The following CECR2 variants were observed in gnomAD, a reference collection of about 807,000 sequenced individuals.
CECR2 encodes the protein chromatin remodeling regulator CECR2.
In CECR2, 30 loss-of-function variants were observed where a neutral mutation model predicts 154.5. The ratio of observed to expected loss-of-function variants is 0.19; its 90% CI spans 0.15 to 0.26. CECR2 has a LOEUF of 0.26. Among genes scored for constraint, CECR2 ranks in the 10% least tolerant of loss-of-function variants. The pLI, the probability that CECR2 is intolerant of heterozygous loss-of-function variation, is 1.00. For synonymous variants in CECR2, 725 were observed against 683.7 expected, an observed-to-expected ratio of 1.06 and a Z score of -0.94; for missense variants, 1,743 against 1,829.3, an observed-to-expected ratio of 0.95 and a Z score of 0.86.
intron 9 of CECR2, 79 bp downstream of exon 9, chr22:17,524,350 A>G (rs777788449): frequency 3.1e-5 from 47 of 1,512,638 alleles, no homozygotes. Context: ...AACTCAAGCT[A>G]AGTCCTGCCA....
intron 1 of CECR2, among the ~76,000 whole-genome samples, chr22:17,364,355 A>AG (rs2146422074): frequency 6.7e-6 from 1 of 150,202 alleles, no homozygotes; most frequent in African/African-American, 2.5e-5. Context: ...AAAAAAAAAA[A>AG]AAAAAAAGAA....
chr22:17,524,551 C>T, intron 9 of CECR2, among the ~76,000 whole-genome samples: 1 of 137,074 alleles, frequency 7.3e-6, no homozygotes, highest in Non-Finnish European at 1.6e-5. Flanking sequence ...CACCACCACG[C>T]CCGGCTAATT....
chr22:17,368,546 C>T (rs920452571), upstream of CECR2, among the ~76,000 whole-genome samples: 3 of 152,170 alleles, frequency 2.0e-5, no homozygotes, highest in African/African-American at 4.8e-5. Flanking sequence ...CAGCAGTTAG[C>T]ATTTCTAAAG....
chr22:17,505,116 G>A (rs867831323), intron 7 of CECR2, 100 bp downstream of exon 7: 1 of 1,170,180 alleles, frequency 8.5e-7, no homozygotes, highest in South Asian at 1.5e-5. Flanking sequence ...CCACTGTCCT[G>A]GAAATAGTGC....
chr22:17,406,301 A>C (rs2053982443), intron 1 of CECR2, among the ~76,000 whole-genome samples: 1 of 152,210 alleles, frequency 6.6e-6, no homozygotes. Context: ...CGGGAGGACC[A>C]CCTGAAGTCA....
At chr22:17,379,460 C>T (rs2063159361) in intron 1 of CECR2, among the ~76,000 whole-genome samples, 1 of 152,028 alleles carries the variant, frequency 6.6e-6, no homozygotes, top group Non-Finnish European at 1.5e-5. Context: ...GGGGCTGGAG[C>T]GGCTGCCATT....
chr22:17,516,642 T>C (rs1196562900), intron 8 of CECR2, among the ~76,000 whole-genome samples: 1 of 152,200 alleles, frequency 6.6e-6, no homozygotes, highest in Non-Finnish European at 1.5e-5. Context: ...TTGCCCAGAC[T>C]GGAGTGCAAT....
chr22:17,463,092 C>T (rs1327426064), intron 1 of CECR2, among the ~76,000 whole-genome samples: 6 of 152,166 alleles, frequency 3.9e-5, no homozygotes, highest in Non-Finnish European at 5.9e-5. Flanking sequence ...AGGGACGAGA[C>T]AGTGACTGGA....
Position 17,443,589 on chromosome 22 carries a change from G to A in CECR2, c.127-33999G>A, listed in dbSNP as rs566916768. 7.9e-5 allele frequency among the ~76,000 whole-genome samples: 12 copies of A among 152,180 alleles called. No homozygotes were observed. In the South Asian group the frequency reaches 1.5e-3, roughly 18 times the overall value. On this transcript the variant is annotated intron_variant, in intron 1 of 18. Transcript: ENST00000262608. Reference sequence around the variant, plus strand: ...AAAGTTACTGCTTAAAATTGACTCCGGCTTAGCAGCTTCAGTTGTCTGAAG... The same window carrying A: ...AAAGTTACTGCTTAAAATTGACTCCAGCTTAGCAGCTTCAGTTGTCTGAAG...
At chr22:17,368,283 T>C (rs2063014162), upstream of CECR2, among the ~76,000 whole-genome samples, 1 of 152,136 alleles carries the variant, frequency 6.6e-6, no homozygotes, top group Non-Finnish European at 1.5e-5. Flanking sequence ...GATCTTTGAG[T>C]TTAACCCTTG....
rs79727956 is a variant in CECR2, at chr22:17,434,155, T to A, written c.127-43433T>A. Among the ~76,000 whole-genome samples, 1,124 of 152,110 alleles carry A rather than the reference T, an allele frequency of 7.4e-3. 14 individuals carry two copies. The highest frequency in any genetic ancestry group is 0.026 in the African/African-American group (1,065 of 41,504). ...TTCTGTCCATGAGGGTAAAAAAAAA[T>A]GAAGAGGCCTTTTGCTTCTCTTGGG... On this transcript the variant is annotated intron_variant, in intron 1 of 18. Transcript: ENST00000262608.
intron 7 of CECR2, among the ~76,000 whole-genome samples, chr22:17,510,148 G>A (rs562470531): frequency 9.2e-5 from 14 of 152,258 alleles, no homozygotes; most frequent in African/African-American, 2.4e-4. Flanking sequence ...AAACATTCAC[G>A]TTCTGTATCA....
At chr22:17,441,441 T>C (rs892225956) in intron 1 of CECR2, among the ~76,000 whole-genome samples, 3 of 152,322 alleles carry the variant, frequency 2.0e-5, no homozygotes, top group African/African-American at 7.2e-5. Context: ...GTTTAGCAAA[T>C]AATATTTGTA....
At chr22:17,386,898 G>A (rs1419745950) in intron 1 of CECR2, among the ~76,000 whole-genome samples, 5 of 152,110 alleles carry the variant, frequency 3.3e-5, no homozygotes, top group East Asian at 1.9e-4. Context: ...TGATCCACCC[G>A]CCTCAGCCTC....
chr22:17,398,168 G>A (rs1475715666), intron 1 of CECR2, among the ~76,000 whole-genome samples: 1 of 151,152 alleles, frequency 6.6e-6, no homozygotes, highest in Non-Finnish European at 1.5e-5. Context: ...GTAGGAATTT[G>A]TATCATCTGT....
chr22:17,421,757 C>T (rs77412549), intron 1 of CECR2, among the ~76,000 whole-genome samples: 18,394 of 150,844 alleles, frequency 0.12, 1,131 homozygotes, highest in South Asian at 0.17. Context: ...CCCACCATTA[C>T]ACTCCAGCCT....
chr22:17,484,017 A>G (rs1447142206), intron 2 of CECR2, among the ~76,000 whole-genome samples: 4 of 152,246 alleles, frequency 2.6e-5, no homozygotes, highest in Non-Finnish European at 5.9e-5. Context: ...CAGTACAGTC[A>G]GGTGCAGTAT....
At chr22:17,369,300 G>GGGGCGC (rs1207185828), upstream of CECR2, 1 of 151,010 alleles carries the variant, frequency 6.6e-6, no homozygotes, top group East Asian at 2.0e-4. Context: ...TCTGGGCCCG[G>GGGGCGC]GGGCGCGCGC....
At chr22:17,504,079 A>G (rs990345254) in intron 6 of CECR2, among the ~76,000 whole-genome samples, 1 of 62,772 alleles carries the variant, frequency 1.6e-5, no homozygotes, top group Admixed American at 1.6e-4. Flanking sequence ...AATAAATAAA[A>G]TTTAAAAGTA....
Sources: allele counts gnomAD v4.1 joint callset (sites outside exome capture counted in the v4.1 genomes callset), GRCh38; gene constraint gnomAD v4.1.1; transcripts MANE v1.5; gene names NCBI Gene and HGNC (gene_info 2026-07-23, HGNC 2026-07-21).